ITGB4: variants seen among roughly 807,000 people sequenced by gnomAD.
The protein encoded by ITGB4 is integrin beta-4.
In ITGB4, 159 loss-of-function variants were observed where a neutral mutation model predicts 207.6. The ratio of observed to expected loss-of-function variants is 0.77; its 90% CI spans 0.67 to 0.87. The LOEUF (loss-of-function observed/expected upper bound fraction) is 0.87, where lower values mean the gene tolerates loss of function less well. Among genes scored for constraint, ITGB4 ranks in the 40% least tolerant of loss-of-function variants. ITGB4 has a pLI of 0.00. For missense variants in ITGB4, 2,278 were observed against 2,546.8 expected (o/e 0.89, Z 2.27); for synonymous variants, 1,020 against 1,062.7 (o/e 0.96, Z 0.78).
intron 8 of ITGB4, 100 bp from the exon 9 acceptor site, chr17:75,730,775 T>C: frequency 8.3e-7 from 1 of 1,206,688 alleles, no homozygotes. Context: ...CCACAGTAGG[T>C]TCCAGGCCTC....
rs760044631 is a variant in ITGB4 at position 75,732,665 on chromosome 17, G to A, written c.1454+426G>A. Among the ~76,000 whole-genome samples, 3 of 152,230 alleles carry A rather than the reference G, an allele frequency of 2.0e-5. No individual in the cohort carries two copies. Among genetic ancestry groups the A allele is most frequent in the Non-Finnish European group, 4.4e-5 (3 of 68,036 alleles). On this transcript the variant is annotated intron_variant, in intron 12 of 39. Coordinates refer to ENST00000200181, the MANE Select transcript of ITGB4 (RefSeq NM_000213.5). The surrounding 1 kb of genome is among the most constrained non-coding windows in gnomAD (Gnocchi z 5.3). Reference sequence around the variant, plus strand: ...GCTTGCCACAACTTGAGGCAGAGCAGTGGGGAAAGGACACTGGAAGGGGTG... The same window carrying A: ...GCTTGCCACAACTTGAGGCAGAGCAATGGGGAAAGGACACTGGAAGGGGTG...
In ITGB4 at chr17:75,727,435, C is replaced by T. The variant is rs200966154; in HGVS notation, c.194C>T (p.Ala65Val). Residue 65 changes from alanine to valine, a missense_variant, in exon 4 of 40, where the codon GCG becomes GTG. Transcript: ENST00000200181. The surrounding 1 kb of genome is among the most constrained non-coding windows in gnomAD (Gnocchi z 6.0). Reference protein sequence around the residue: ...MFRDRRCNTQAELLAAGCQRE... With the variant: ...MFRDRRCNTQVELLAAGCQRE... ...AGGGACCGGCGCTGCAACACCCAGG[C>T]GGAGCTGCTGGCCGCGGGCTGCCAG... 2.5e-4 allele frequency: 408 copies of T among 1,613,896 alleles called. No individual in the cohort carries two copies. The highest frequency in any genetic ancestry group is 3.0e-4 in the Non-Finnish European group (355 of 1,180,038).
rs1261500237 is a variant in ITGB4 at position 75,732,310 on chromosome 17, G to C, written c.1454+71G>C. The C allele has an allele frequency of 6.8e-6, 10 of 1,476,500 alleles. No individual in the cohort carries two copies. Among genetic ancestry groups the C allele is most frequent in the Non-Finnish European group, 9.5e-6 (10 of 1,057,146 alleles). 91.5% of individuals were successfully genotyped at this position (1,476,500 alleles called of 1,614,324 possible). The stretch of plus-strand genomic sequence containing the variant: ...GATGGGAAAGCTGGGCTCCTGCAGG[G>C]GCCTGGCCCTGGGTGCACCTTGTAC... On this transcript the variant is annotated intron_variant, in intron 12 of 39. Coordinates refer to ENST00000200181, the MANE Select transcript of ITGB4 (RefSeq NM_000213.5). This position sits in a 1 kb window ranked among gnomAD's most constrained non-coding sequence, Gnocchi z 5.3.
rs1258993588 is a variant in ITGB4 at position 75,749,018 on chromosome 17, TC to T, written c.3291del (p.Thr1098ProfsTer62). 1 of 1,612,042 alleles carries T rather than the reference TC, an allele frequency of 6.2e-7. No individual in the cohort carries two copies. Among genetic ancestry groups the T allele is most frequent in the East Asian group, 2.2e-5 (1 of 44,844 alleles). ...KFGAHLGQPH[S>X]TTIIIRDPDE... is the part of the protein sequence containing the mutation. ...TGGGGCCCACCTGGGCCAGCCCCAC[TC>T]CACCACCATCATCATCAGGGACCCA... On this transcript the variant is annotated frameshift_variant, in exon 27 of 40. Coordinates refer to ENST00000200181, the MANE Select transcript of ITGB4 (RefSeq NM_000213.5). LOFTEE classifies it high-confidence loss of function.
intron 18 of ITGB4, among the ~76,000 whole-genome samples, chr17:75,738,011 G>A (rs561363417): frequency 9.2e-5 from 14 of 152,084 alleles, no homozygotes; most frequent in Non-Finnish European, 1.5e-4. Flanking sequence ...GCTTCAGCCC[G>A]TAGAGTCCAG....
intron 26 of ITGB4, among the ~76,000 whole-genome samples, chr17:75,746,878 G>C (rs1260635453): frequency 1.4e-5 from 2 of 143,932 alleles, no homozygotes; most frequent in African/African-American, 5.2e-5. Context: ...GCAGTTAGCC[G>C]AGATAGTGCC....
In ITGB4 at chr17:75,757,523, A is replaced by G. The variant is rs531376095; in HGVS notation, c.5437A>G (p.Thr1813Ala). The G allele has an allele frequency of 6.2e-7, 1 of 1,613,270 alleles. No homozygotes were observed. Among genetic ancestry groups the G allele is most frequent in the Admixed American group, 1.7e-5 (1 of 60,010 alleles). The change falls in exon 40 of 40, where the codon ACC becomes GCC. Residue 1813 changes from threonine to alanine, a missense_variant. Thr to Ala is a moderately conservative substitution (Grantham distance 58). Coordinates refer to ENST00000200181, the MANE Select transcript of ITGB4 (RefSeq NM_000213.5). ...RTLTTSGTLS[T>A]HMDQQFFQT ...ACTGACCACCAGCGGAACCCTTAGC[A>G]CCCACATGGACCAACAGTTCTTCCA...
rs759279345 is a variant in ITGB4 at position 75,750,984 on chromosome 17, G to T, written c.3666G>T (p.Glu1222Asp). 1.2e-6 allele frequency: 2 copies of T among 1,613,764 alleles called. No homozygotes were observed. The highest frequency in any genetic ancestry group is 2.2e-5 in the South Asian group (2 of 91,090). ...SCRTHQEVPS[E>D]PGRLAFNVVS... ...TTCCCCGCTCCCTAGTGCCCAGCGA[G>T]CCAGGGCGTCTGGCCTTCAATGTCG... Residue 1222 changes from glutamate (E) to aspartate (D), a missense_variant, in exon 30 of 40, where the codon GAG (glutamate) becomes GAT (aspartate). By Grantham distance (45) the Glu-to-Asp change is conservative (BLOSUM62 2). Transcript: ENST00000200181. This position sits in a 1 kb window ranked among gnomAD's most constrained non-coding sequence, Gnocchi z 5.5.
rs202126187 is a variant in ITGB4 at position 75,756,905 on chromosome 17, A to T, written c.5054-38A>T. The T allele has an allele frequency of 2.7e-4, 437 of 1,611,956 alleles. No homozygotes were observed. The highest frequency in any genetic ancestry group is 3.4e-4 in the Non-Finnish European group (407 of 1,179,788). On this transcript the variant is annotated intron_variant, in intron 37 of 39. Transcript: ENST00000200181. Reference sequence around the variant, plus strand: ...AGGAGTGGCCAGGGGAGGGGTAAAGAGGGGGCCGCAGACGCTGAAGGCATC... The same window carrying T: ...AGGAGTGGCCAGGGGAGGGGTAAAGTGGGGGCCGCAGACGCTGAAGGCATC...
Position 75,757,092 on chromosome 17 carries a change from G to A in ITGB4, c.5203G>A (p.Glu1735Lys), listed in dbSNP as rs1355181082. 6.2e-7 allele frequency: 1 copy of A among 1,612,860 alleles called. No homozygotes were observed. The highest frequency in any genetic ancestry group is 8.5e-7 in the Non-Finnish European group (1 of 1,179,960). ...GPEREGIITI[E>K]SQDGGPFPQL... Reference sequence around the variant, plus strand: ...AGAGCGCGAGGGCATCATCACCATAGAGTCCCAGGATGGAGGTAGGCACCT... The same window carrying A: ...AGAGCGCGAGGGCATCATCACCATAAAGTCCCAGGATGGAGGTAGGCACCT... The change falls in exon 38 of 40, where the codon GAG (glutamate) becomes AAG (lysine). Residue 1735 changes from glutamate to lysine, a missense_variant. Coordinates refer to ENST00000200181, the MANE Select transcript of ITGB4 (RefSeq NM_000213.5).
At position 75,731,709 on chromosome 17, in the gene ITGB4, C is replaced by T. The variant is rs1184524409; in HGVS notation, c.1216-103C>T. Reference sequence around the variant, plus strand: ...GTGAGCAGGAGCTCATTTCAGGGATCCAGACATCTCCTAGGAACTTGGGGG... The same window carrying T: ...GTGAGCAGGAGCTCATTTCAGGGATTCAGACATCTCCTAGGAACTTGGGGG... On this transcript the variant is annotated intron_variant, in intron 10 of 39. Transcript: ENST00000200181. This position sits in a 1 kb window ranked among gnomAD's most constrained non-coding sequence, Gnocchi z 6.8. 1 of 1,287,958 alleles carries T rather than the reference C, an allele frequency of 7.8e-7. No individual in the cohort carries two copies. The highest frequency in any genetic ancestry group is 1.0e-6 in the Non-Finnish European group (1 of 952,452). The allele number at this position is 1,287,958 out of a possible 1,614,324, so 79.8% of individuals were successfully genotyped here. A position where few individuals can be genotyped will look rare whatever the true frequency, so the allele number is the denominator to read the frequency against.
chr17:75,749,981 G>C (rs535770335), intron 27 of ITGB4, 130 bp from the exon 28 acceptor site: 1 of 1,167,598 alleles, frequency 8.6e-7, no homozygotes, highest in East Asian at 2.3e-5. Flanking sequence ...CAGGTCTCCA[G>C]AGACGCGGGT....
intron 30 of ITGB4, chr17:75,751,871 C>G (rs2061374090): frequency 2.1e-6 from 1 of 474,246 alleles, no homozygotes. Flanking sequence ...TATGCGTGCC[C>G]TTGCCTTGTG....
rs571413972 is a variant in ITGB4 at position 75,729,870 on chromosome 17, G to A, written c.739-371G>A. ...TAGAAAACAAAGAGCTAGCCAAGGC[G>A]TGGTGGCTCACACCTGTAATCCCAG... is the stretch of plus-strand genomic sequence containing the variant. On this transcript the variant is annotated intron_variant, in intron 7 of 39. Transcript: ENST00000200181. The surrounding 1 kb of genome is among the most constrained non-coding windows in gnomAD (Gnocchi z 4.4). 3.1e-4 allele frequency among the ~76,000 whole-genome samples: 47 copies of A among 152,230 alleles called. No individual in the cohort carries two copies. The highest frequency in any genetic ancestry group is 6.0e-4 in the Non-Finnish European group (41 of 68,040).
intron 12 of ITGB4, among the ~76,000 whole-genome samples, chr17:75,733,138 C>T (rs2074737820): frequency 6.6e-6 from 1 of 151,122 alleles, no homozygotes; most frequent in Admixed American, 6.6e-5. Flanking sequence ...CCTGTAATTT[C>T]AGCACTTTGG....
intron 34 of ITGB4, chr17:75,755,205 G>C: frequency 6.2e-7 from 1 of 1,604,028 alleles, no homozygotes; most frequent in Non-Finnish European, 8.5e-7. Context: ...GCGCCCTCCT[G>C]GGGCCCAGGT....
Position 75,740,481 on chromosome 17 carries a change from G to T in ITGB4, c.2550+20G>T, listed in dbSNP as rs2143086089. 2 of 1,600,392 alleles carry T rather than the reference G, an allele frequency of 1.2e-6. No individual in the cohort carries two copies. The highest frequency in any genetic ancestry group is 8.6e-7 in the Non-Finnish European group (1 of 1,168,510). On this transcript the variant is annotated intron_variant, in intron 21 of 39. Transcript: ENST00000200181. This position sits in a 1 kb window ranked among gnomAD's most constrained non-coding sequence, Gnocchi z 5.9. Reference sequence around the variant, plus strand: ...GAGAACGTAAGGACCCAGGAACTAGGCCTGGCCGGAGATGTGGGTATGAGG... The same window carrying T: ...GAGAACGTAAGGACCCAGGAACTAGTCCTGGCCGGAGATGTGGGTATGAGG...
chr17:75,742,492 AG>A lies in ITGB4; in HGVS notation c.2782+5del. 1 of 1,613,138 alleles carries A rather than the reference AG, an allele frequency of 6.2e-7. No homozygotes were observed. Among genetic ancestry groups the A allele is most frequent in the Non-Finnish European group, 8.5e-7 (1 of 1,179,784 alleles). On this transcript the variant is annotated splice_donor_region_variant and intron_variant, in intron 24 of 39. Transcript: ENST00000200181. This position sits in a 1 kb window ranked among gnomAD's most constrained non-coding sequence, Gnocchi z 5.9. ...CTACACCCTCACTGCAGACCAGGGT[AG>A]GAGGGCGGGTCCGCTGTGCCACTGC...
At chr17:75,751,257 G>A (rs2061360774) in intron 30 of ITGB4, 146 bp downstream of exon 30, 1 of 997,094 alleles carries the variant, frequency 1.0e-6, no homozygotes, top group Non-Finnish European at 1.5e-6. Context: ...ATAAGCCTGA[G>A]GCATCTTTAG....
Sources: gnomAD v4.1 joint callset for allele counts (sites outside exome capture counted in the v4.1 genomes callset) on GRCh38, gnomAD v4.1.1 for gene constraint, Gnocchi (gnomAD v3.1) non-coding constraint, MANE v1.5 for transcripts, NCBI Gene and HGNC (gene_info 2026-07-23, HGNC 2026-07-21) for gene names.